Variants in SNX29 observed in about 807,000 individuals in gnomAD.
The protein encoded by SNX29 is sorting nexin-29.
A neutral mutation model predicts 102.1 loss-of-function variants in SNX29; 78 were observed. The observed-to-expected ratio is 0.76, with a 90% CI of 0.64 to 0.92. SNX29 has a LOEUF of 0.92. Ranked by LOEUF, SNX29 falls within the 40% of genes least tolerant of loss-of-function variation. The pLI is 0.00. For synonymous variants in SNX29, 580 were observed against 414.5 expected, an observed-to-expected ratio of 1.40 and a Z score of -4.85; for missense variants, 1,280 against 1,061.7, an observed-to-expected ratio of 1.21 and a Z score of -2.86.
chr16:12,204,340 T>C (rs2076992509), intron 14 of SNX29, among the ~76,000 whole-genome samples: 1 of 152,214 alleles, frequency 6.6e-6, no homozygotes, highest in Non-Finnish European at 1.5e-5. Flanking sequence ...ATTATGTCTT[T>C]CCTGGATACA....
intron 15 of SNX29, among the ~76,000 whole-genome samples, chr16:12,353,650 A>C (rs1279486219): frequency 6.6e-6 from 1 of 152,190 alleles, no homozygotes; most frequent in Non-Finnish European, 1.5e-5. Flanking sequence ...TCCACTGGTC[A>C]TACCTTTCTC....
chr16:12,112,502 C>T lies in SNX29; in HGVS notation c.1403-14131C>T, dbSNP rs533286828. On this transcript the variant is annotated intron_variant, in intron 11 of 20. Transcript: ENST00000566228. ...ATCAGGCAATGTACTAGGCTGCATGCGTGAGGGAAACGCAGAAGGCATGGG... is the reference window on the plus strand; with the variant it reads ...ATCAGGCAATGTACTAGGCTGCATGTGTGAGGGAAACGCAGAAGGCATGGG... Among the ~76,000 whole-genome samples, 5 of 152,254 alleles carry T rather than the reference C, an allele frequency of 3.3e-5. No homozygotes were observed. In the East Asian group the frequency reaches 7.7e-4, roughly 23 times the overall value.
chr16:12,139,985 A>G (rs1242948655), intron 13 of SNX29, among the ~76,000 whole-genome samples: 9 of 150,772 alleles, frequency 6.0e-5, no homozygotes, highest in African/African-American at 1.5e-4. Flanking sequence ...TGTCTCAAAA[A>G]AAAAAAAAAA....
chr16:12,129,414 C>T (rs958106450), intron 12 of SNX29, among the ~76,000 whole-genome samples: 1 of 152,208 alleles, frequency 6.6e-6, no homozygotes, highest in Admixed American at 6.5e-5. Context: ...GGACATGGAG[C>T]CCAGGCCATA....
intron 13 of SNX29, among the ~76,000 whole-genome samples, chr16:12,186,861 A>G (rs1182318724): frequency 6.6e-6 from 1 of 152,204 alleles, no homozygotes; most frequent in Non-Finnish European, 1.5e-5. Flanking sequence ...TTTTGGCCTA[A>G]TAAAGAGACA....
At chr16:12,541,282 A>C (rs928024258) in intron 20 of SNX29, among the ~76,000 whole-genome samples, 1 of 152,214 alleles carries the variant, frequency 6.6e-6, no homozygotes, top group East Asian at 1.9e-4. Flanking sequence ...GAGCAGGGGA[A>C]TACCACTAAC....
At chr16:12,531,009 C>T (rs1232910140) in intron 20 of SNX29, among the ~76,000 whole-genome samples, 4 of 152,206 alleles carry the variant, frequency 2.6e-5, no homozygotes, top group East Asian at 3.8e-4. Flanking sequence ...TGGAACATCT[C>T]GATGGATACA....
intron 18 of SNX29, among the ~76,000 whole-genome samples, chr16:12,428,793 G>T (rs1158926645): frequency 6.6e-6 from 1 of 151,518 alleles, no homozygotes; most frequent in Non-Finnish European, 1.5e-5. Flanking sequence ...AGATACGATG[G>T]CAATTATTAT....
chr16:12,014,020 C>T lies in SNX29; in HGVS notation c.122+10977C>T, dbSNP rs1011054460. 3.9e-5 allele frequency among the ~76,000 whole-genome samples: 6 copies of T among 152,138 alleles called. No homozygotes were observed. The East Asian group carries it at 1.2e-3, about 29-fold the overall frequency. On this transcript the variant is annotated intron_variant, in intron 3 of 20. Transcript: ENST00000566228. ...TTATATTGCCCAGGCTGGCTTTGAA[C>T]TCCTGGCCTCAAGTGATCCTCCCTC... is the stretch of plus-strand genomic sequence containing the variant.
intron 13 of SNX29, among the ~76,000 whole-genome samples, chr16:12,186,105 C>G (rs12447356): frequency 6.6e-6 from 1 of 152,110 alleles, no homozygotes; most frequent in Admixed American, 6.6e-5. Flanking sequence ...ATGTTCTTGG[C>G]TTTATAGTAC....
chr16:12,416,300 T>G (rs1010750431), intron 18 of SNX29, among the ~76,000 whole-genome samples: 1 of 152,116 alleles, frequency 6.6e-6, no homozygotes, highest in African/African-American at 2.4e-5. Context: ...GCCCAGTCAC[T>G]CATTGGTCAT....
At chr16:12,133,195 G>C (rs185586485) in intron 13 of SNX29, among the ~76,000 whole-genome samples, 1 of 151,944 alleles carries the variant, frequency 6.6e-6, no homozygotes, top group Non-Finnish European at 1.5e-5. Context: ...TTGTACTGAC[G>C]GGGTCAGACC....
chr16:12,551,637 A>C (rs191566774), intron 20 of SNX29, among the ~76,000 whole-genome samples: 1 of 152,190 alleles, frequency 6.6e-6, no homozygotes, highest in Admixed American at 6.5e-5. Context: ...CAACCCAGCA[A>C]GTATTTTCTG....
At chr16:12,075,493 C>A (rs534998328) in intron 10 of SNX29, among the ~76,000 whole-genome samples, 4 of 152,156 alleles carry the variant, frequency 2.6e-5, no homozygotes, top group African/African-American at 9.7e-5. Flanking sequence ...TCGTGATCCG[C>A]GAATGCTGCT....
At chr16:12,449,607 C>T (rs766033271) in intron 18 of SNX29, among the ~76,000 whole-genome samples, 8 of 152,252 alleles carry the variant, frequency 5.3e-5, no homozygotes, top group South Asian at 2.1e-4. Flanking sequence ...CAGCACCTCC[C>T]GTGCTCCAGC....
At chr16:12,052,862 T>C (rs907063299) in intron 8 of SNX29, 1 of 154,120 alleles carries the variant, frequency 6.5e-6, no homozygotes, top group Non-Finnish European at 1.4e-5. Flanking sequence ...CTCTGGATTT[T>C]CCTTGCATCT....
intron 20 of SNX29, chr16:12,526,601 C>G (rs768727436): frequency 6.8e-5 from 36 of 532,556 alleles, no homozygotes; most frequent in African/African-American, 5.8e-4. Context: ...GTGAGGAGTT[C>G]TCATCCTCTT....
At chr16:12,559,497 T>C (rs202216866) in intron 20 of SNX29, among the ~76,000 whole-genome samples, 3 of 152,020 alleles carry the variant, frequency 2.0e-5, no homozygotes, top group South Asian at 2.1e-4. Context: ...AATAATAGAA[T>C]GTACAAATGT....
intron 16 of SNX29, among the ~76,000 whole-genome samples, chr16:12,390,454 ACTGT>A (rs1432425756): frequency 6.6e-6 from 1 of 152,000 alleles, no homozygotes; most frequent in Non-Finnish European, 1.5e-5. Context: ...CTGTGTGGAG[ACTGT>A]CTCTCCTGGT....
Sources: allele counts gnomAD v4.1 joint callset (sites outside exome capture counted in the v4.1 genomes callset), GRCh38; gene constraint gnomAD v4.1.1; transcripts MANE v1.5; gene names NCBI Gene and HGNC (gene_info 2026-07-23, HGNC 2026-07-21).